Variants in CDH13 observed in about 807,000 individuals in gnomAD.
The protein encoded by CDH13 is cadherin-13.
Under a neutral mutation model 63.8 loss-of-function variants are expected in CDH13, and 24 were observed. The observed-to-expected ratio is 0.38, with a 90% confidence interval of 0.27 to 0.53. The LOEUF (loss-of-function observed/expected upper bound fraction) is 0.53, where lower values mean the gene tolerates loss of function less well. CDH13 is among the 20% of genes least tolerant of loss of function. CDH13 has a pLI of 0.85. For missense variants in CDH13, 1,049 were observed against 903.1 expected (o/e 1.16, Z -2.07); for synonymous variants, 503 against 355.3 (o/e 1.42, Z -4.67).
chr16:82,650,740 A>G (rs924798989), intron 1 of CDH13, among the ~76,000 whole-genome samples: 4 of 152,190 alleles, frequency 2.6e-5, no homozygotes, highest in African/African-American at 9.7e-5. Context: ...CTGCCAAAGA[A>G]GCATTCTCTC....
intron 5 of CDH13, among the ~76,000 whole-genome samples, chr16:83,332,368 C>G (rs1003250809): frequency 6.6e-6 from 1 of 152,026 alleles, no homozygotes; most frequent in African/African-American, 2.4e-5. Flanking sequence ...TTAGACTATA[C>G]TTTAAATTTG....
At chr16:83,270,241 C>G (rs1306234644) in intron 5 of CDH13, among the ~76,000 whole-genome samples, 1 of 152,130 alleles carries the variant, frequency 6.6e-6, no homozygotes, top group Non-Finnish European at 1.5e-5. Context: ...TGATGACTCT[C>G]TTAGTGCTAA....
intron 10 of CDH13, among the ~76,000 whole-genome samples, chr16:83,714,871 C>T (rs17697259): frequency 0.11 from 16,266 of 152,008 alleles, 1,074 homozygotes; most frequent in Non-Finnish European, 0.15. Context: ...TCCTAATTAA[C>T]GGTTTTGCCA....
At chr16:82,925,618 A>T (rs1298685085) in intron 2 of CDH13, among the ~76,000 whole-genome samples, 1 of 152,224 alleles carries the variant, frequency 6.6e-6, no homozygotes, top group Non-Finnish European at 1.5e-5. Context: ...TGGGTATGGC[A>T]TGGCCAACCT....
chr16:83,110,244 C>G (rs952999114), intron 3 of CDH13, among the ~76,000 whole-genome samples: 3 of 152,210 alleles, frequency 2.0e-5, no homozygotes, highest in Non-Finnish European at 4.4e-5. Context: ...ATCACTCCAT[C>G]AACTGCTGCT....
At chr16:82,791,193 C>T (rs12443581) in intron 1 of CDH13, among the ~76,000 whole-genome samples, 11,779 of 149,000 alleles carry the variant, frequency 0.079, 598 homozygotes, top group East Asian at 0.24. Context: ...GCAGAGATCA[C>T]GCCACTGCAC....
At chr16:83,784,726 TC>T (rs1018630956) in intron 13 of CDH13, among the ~76,000 whole-genome samples, 3 of 151,230 alleles carry the variant, frequency 2.0e-5, no homozygotes, top group Admixed American at 6.6e-5. Flanking sequence ...CATCTTCCCC[TC>T]CTGACCTGCC....
intron 7 of CDH13, among the ~76,000 whole-genome samples, chr16:83,543,516 G>A (rs1211893199): frequency 6.6e-6 from 1 of 152,188 alleles, no homozygotes; most frequent in African/African-American, 2.4e-5. Flanking sequence ...AGCAAGTGCT[G>A]TGATCTACTC....
chr16:82,870,451 A>C (rs1292561494), intron 2 of CDH13, among the ~76,000 whole-genome samples: 1 of 152,180 alleles, frequency 6.6e-6, no homozygotes, highest in African/African-American at 2.4e-5. Context: ...ATGGCCCAAC[A>C]GTCCCACTGC....
chr16:82,668,040 G>T (rs1326282022), intron 1 of CDH13, among the ~76,000 whole-genome samples: 1 of 152,158 alleles, frequency 6.6e-6, no homozygotes, highest in African/African-American at 2.4e-5. Flanking sequence ...AATCTTTAGA[G>T]ATTATCTGTG....
At chr16:83,425,882 C>A (rs1388344002) in intron 6 of CDH13, among the ~76,000 whole-genome samples, 1 of 152,100 alleles carries the variant, frequency 6.6e-6, no homozygotes, top group Non-Finnish European at 1.5e-5. Context: ...GTGCCCAGCA[C>A]TGTTCTAGGC....
intron 1 of CDH13, among the ~76,000 whole-genome samples, chr16:82,732,642 C>T (rs2033464501): frequency 6.6e-6 from 1 of 152,142 alleles, no homozygotes; most frequent in African/African-American, 2.4e-5. Context: ...ATCCCAAAAG[C>T]CAAGAGATAA....
chr16:83,479,393 G>A (rs374381178), intron 6 of CDH13, among the ~76,000 whole-genome samples: 118 of 152,258 alleles, frequency 7.7e-4, no homozygotes, highest in African/African-American at 2.5e-3. Context: ...TCAGCTGGGC[G>A]CGGTGGTTCA....
At chr16:83,752,767 T>C (rs866197434) in intron 11 of CDH13, among the ~76,000 whole-genome samples, 6 of 152,338 alleles carry the variant, frequency 3.9e-5, no homozygotes, top group African/African-American at 1.4e-4. Flanking sequence ...TAATTCCTAC[T>C]TATAACGTTG....
chr16:83,324,509 CT>C (rs1262794227), intron 5 of CDH13, among the ~76,000 whole-genome samples: 2 of 152,194 alleles, frequency 1.3e-5, no homozygotes, highest in East Asian at 3.8e-4. Context: ...AACACTTGCC[CT>C]TCCATGAGTA....
intron 7 of CDH13, among the ~76,000 whole-genome samples, chr16:83,548,039 G>C (rs1197685542): frequency 6.6e-6 from 1 of 152,146 alleles, no homozygotes; most frequent in Non-Finnish European, 1.5e-5. Context: ...GATATATGCA[G>C]AGCTGAGTCT....
Position 83,497,540 on chromosome 16 carries a change from T to C in CDH13, c.960+10885T>C, listed in dbSNP as rs557711360. On this transcript the variant is annotated intron_variant, in intron 7 of 13. Transcript: ENST00000567109. The stretch of plus-strand genomic sequence containing the variant: ...GTGGGGGGAGGGGGAAGGGATAGCA[T>C]TGGGAGAAATACATAATGCTAGATG... Among the ~76,000 whole-genome samples the C allele has an allele frequency of 3.5e-4, 52 of 146,984 alleles. 1 individual carries two copies. In the South Asian group the frequency reaches 4.8e-3, roughly 14 times the overall value.
chr16:83,273,346 C>G (rs995763501), intron 5 of CDH13, among the ~76,000 whole-genome samples: 1 of 152,004 alleles, frequency 6.6e-6, no homozygotes, highest in Non-Finnish European at 1.5e-5. Context: ...ACCCTTCACC[C>G]TCAAGTAGGC....
chr16:83,731,665 C>T (rs1475109265), intron 10 of CDH13, among the ~76,000 whole-genome samples: 1 of 152,110 alleles, frequency 6.6e-6, no homozygotes, highest in Non-Finnish European at 1.5e-5. Flanking sequence ...GGTGCAATTG[C>T]TTTTGGGGAC....
Sources: gnomAD v4.1 joint callset for allele counts (sites outside exome capture counted in the v4.1 genomes callset) on GRCh38, gnomAD v4.1.1 for gene constraint, MANE v1.5 for transcripts, NCBI Gene and HGNC (gene_info 2026-07-23, HGNC 2026-07-21) for gene names.